LAMA4: variants seen among roughly 807,000 people sequenced by gnomAD.
LAMA4 encodes laminin subunit alpha 4, also known as laminin subunit alpha-4.
A neutral mutation model predicts 207.1 loss-of-function variants in LAMA4; 127 were observed. The ratio of observed to expected loss-of-function variants is 0.61; its 90% CI spans 0.53 to 0.71. The LOEUF is 0.71. Ranked by LOEUF, LAMA4 falls within the 30% of genes least tolerant of loss-of-function variation. The probability of loss-of-function intolerance (pLI) is 0.00; values close to 1 mark genes in which losing one functional copy is unlikely to be tolerated. For synonymous variants in LAMA4, 761 were observed against 816.0 expected (o/e 0.93, Z 1.15); for missense variants, 2,093 against 2,246.5 (o/e 0.93, Z 1.38).
At chr6:112,168,243 A>G (rs988721130) in intron 12 of LAMA4, among the ~76,000 whole-genome samples, 10 of 151,336 alleles carry the variant, frequency 6.6e-5, no homozygotes, top group African/African-American at 2.2e-4. Flanking sequence ...AACATAGAAG[A>G]ATATATGCTT....
rs782568532 is a variant in LAMA4 at position 112,136,229 on chromosome 6, C to T, written c.3308G>A (p.Arg1103His). The change falls in exon 25 of 39, where the codon CGC becomes CAC. Residue 1103 changes from arginine (R) to histidine (H), a missense_variant. This residue lies in a region of LAMA4 where 1,704 missense variants were observed against 1,788.4 expected (regional missense o/e 0.95). Coordinates refer to ENST00000230538, the MANE Select transcript of LAMA4 (RefSeq NM_001105206.3). ...NGSMFFRLEM[R>H]NGYLHVFYDF... ...ATAGAACACATGTAGGTAACCATTGCGCATTTCCAGTCTGAAAAACATACT... is the reference window on the plus strand; with the variant it reads ...ATAGAACACATGTAGGTAACCATTGTGCATTTCCAGTCTGAAAAACATACT... The T allele has an allele frequency of 2.0e-5, 33 of 1,611,240 alleles. No individual in the cohort carries two copies. In the Admixed American group the frequency reaches 3.3e-4, roughly 16 times the overall value.
rs1208645573 is a variant in LAMA4 at position 112,231,985 on chromosome 6, G to A, written c.196-15516C>T. On this transcript the variant is annotated intron_variant, in intron 2 of 38. Transcript: ENST00000230538. ...AAATGATAATGAAATTCGACTCCAAGTGCTCTTATTTGTAAAATGTGAGCA... is the reference window on the plus strand; with the variant it reads ...AAATGATAATGAAATTCGACTCCAAATGCTCTTATTTGTAAAATGTGAGCA... 5.3e-5 allele frequency among the ~76,000 whole-genome samples: 8 copies of A among 152,254 alleles called. No individual in the cohort carries two copies. In the East Asian group the frequency reaches 1.3e-3, roughly 26 times the overall value.
chr6:112,216,534 G>T, intron 2 of LAMA4, 65 bp from the exon 3 acceptor site: 1 of 1,046,816 alleles, frequency 9.6e-7, no homozygotes, highest in Non-Finnish European at 1.5e-6. Context: ...TATTTTCTGA[G>T]AAGAAATCAG....
Position 112,141,656 on chromosome 6 carries a change from T to G in LAMA4, c.2668-153A>C, listed in dbSNP as rs73766942. Among the ~76,000 whole-genome samples, 2,294 of 152,274 alleles carry G rather than the reference T, an allele frequency of 0.015. 51 individuals are homozygous for G. Among genetic ancestry groups the G allele is most frequent in the East Asian group, 0.076 (392 of 5,182 alleles). The stretch of plus-strand genomic sequence containing the variant: ...CCGAAGCTCCTGTGAGCAGGCAGTG[T>G]CTCTTCCTTTCCAGCCTCCCTGTGG... On this transcript the variant is annotated intron_variant, in intron 20 of 38. Transcript: ENST00000230538.
At chr6:112,142,622 C>T (rs956606615) in intron 19 of LAMA4, among the ~76,000 whole-genome samples, 2 of 152,190 alleles carry the variant, frequency 1.3e-5, no homozygotes, top group African/African-American at 2.4e-5. Context: ...ATTCACAAGG[C>T]TCATACAATT....
chr6:112,194,322 C>G (rs782522744), intron 5 of LAMA4, among the ~76,000 whole-genome samples: 25 of 152,198 alleles, frequency 1.6e-4, no homozygotes, highest in Non-Finnish European at 1.3e-4. Flanking sequence ...ATGCCAGTAA[C>G]TTTTTCATTT....
At position 112,189,189 on chromosome 6, in the gene LAMA4, T is replaced by A; in HGVS notation, c.735A>T (p.Gly245=). ...CTCCGGTTACACTGTCACATGGGCC[T>A]CCCCCGCAGTTGCACACTGTGGGAA... is the stretch of plus-strand genomic sequence containing the variant. The part of the protein sequence containing the change: ...AKNCAVCNCG[G]GPCDSVTGEC... Residue 245 remains glycine (G), a synonymous_variant, in exon 7 of 39, where the codon GGA becomes GGT. Coordinates refer to ENST00000230538, the MANE Select transcript of LAMA4 (RefSeq NM_001105206.3). 1 of 1,613,516 alleles carries A rather than the reference T, an allele frequency of 6.2e-7. No individual in the cohort carries two copies. Among genetic ancestry groups the A allele is most frequent in the East Asian group, 2.2e-5 (1 of 44,854 alleles).
At chr6:112,221,137 C>T (rs782422625) in intron 2 of LAMA4, among the ~76,000 whole-genome samples, 35 of 152,094 alleles carry the variant, frequency 2.3e-4, no homozygotes, top group Non-Finnish European at 4.7e-4. Context: ...AAGTTGTCAT[C>T]GGAGAGTATG....
chr6:112,166,718 A>G (rs1294613321), intron 12 of LAMA4, among the ~76,000 whole-genome samples: 6 of 152,268 alleles, frequency 3.9e-5, no homozygotes, highest in Admixed American at 1.3e-4. Flanking sequence ...TTAGACAGAA[A>G]TGAATAAAAT....
In LAMA4 at chr6:112,118,085, T is replaced by G. The variant is rs994337720; in HGVS notation, c.4822-187A>C. 1.3e-5 allele frequency among the ~76,000 whole-genome samples: 2 copies of G among 152,246 alleles called. No individual in the cohort carries two copies. The highest frequency in any genetic ancestry group is 2.9e-5 in the Non-Finnish European group (2 of 68,046). The stretch of plus-strand genomic sequence containing the variant: ...AACTGGTTGTTTGAAGCTGGAATTT[T>G]GTATTTGATAATGTCAACCTGTAGT... On this transcript the variant is annotated intron_variant, in intron 34 of 38. Coordinates refer to ENST00000230538, the MANE Select transcript of LAMA4 (RefSeq NM_001105206.3). The surrounding 1 kb of genome is among the most constrained non-coding windows in gnomAD (Gnocchi z 4.6).
At chr6:112,131,961 G>T (rs536231338) in intron 28 of LAMA4, among the ~76,000 whole-genome samples, 2 of 152,062 alleles carry the variant, frequency 1.3e-5, no homozygotes, top group Admixed American at 6.6e-5. Context: ...TTGAAATAAC[G>T]TATCTTTATA....
chr6:112,204,667 G>A (rs1554353630), intron 4 of LAMA4, among the ~76,000 whole-genome samples: 1 of 152,178 alleles, frequency 6.6e-6, no homozygotes, highest in African/African-American at 2.4e-5. Flanking sequence ...ACGAATGCTT[G>A]AGAGCAGAAT....
At chr6:112,205,466 G>C (rs1784006133) in intron 4 of LAMA4, among the ~76,000 whole-genome samples, 1 of 152,136 alleles carries the variant, frequency 6.6e-6, no homozygotes. Flanking sequence ...TGGAAAGTGA[G>C]ATCTAGGGAG....
intron 33 of LAMA4, 42 bp downstream of exon 33, chr6:112,120,241 G>A (rs993498121): frequency 6.6e-7 from 1 of 1,517,988 alleles, no homozygotes; most frequent in South Asian, 1.1e-5. Flanking sequence ...TTTGACAATG[G>A]TAGCTATTTG....
chr6:112,213,657 T>C, intron 3 of LAMA4: 1 of 185,502 alleles, frequency 5.4e-6, no homozygotes, highest in Non-Finnish European at 1.1e-5. Context: ...AATGGTAGCA[T>C]AATTTTGTAT....
intron 2 of LAMA4, among the ~76,000 whole-genome samples, chr6:112,222,364 A>C (rs1456868098): frequency 6.6e-6 from 1 of 152,222 alleles, no homozygotes; most frequent in Non-Finnish European, 1.5e-5. Context: ...TAATAAAGCT[A>C]GGCCAAAAAC....
At chr6:112,116,619 T>C (rs1157882913) in intron 35 of LAMA4, among the ~76,000 whole-genome samples, 1 of 152,212 alleles carries the variant, frequency 6.6e-6, no homozygotes, top group Non-Finnish European at 1.5e-5. Flanking sequence ...ATTTAGGAGC[T>C]GTTACTGAGG....
chr6:112,190,648 A>T (rs902751600), intron 6 of LAMA4, among the ~76,000 whole-genome samples: 2 of 152,172 alleles, frequency 1.3e-5, no homozygotes, highest in Non-Finnish European at 2.9e-5. Flanking sequence ...GATGAATAAG[A>T]TCTGTGCGTT....
intron 31 of LAMA4, among the ~76,000 whole-genome samples, chr6:112,126,488 C>G: frequency 6.6e-6 from 1 of 152,064 alleles, no homozygotes; most frequent in Non-Finnish European, 1.5e-5. Context: ...GGAAGAGATC[C>G]TAAGAAACTA....
Sources: allele counts gnomAD v4.1 joint callset (sites outside exome capture counted in the v4.1 genomes callset), GRCh38; gene constraint gnomAD v4.1.1; regional missense constraint gnomAD v4.1.1; non-coding constraint Gnocchi (gnomAD v3.1); transcripts MANE v1.5; gene names NCBI Gene and HGNC (gene_info 2026-07-23, HGNC 2026-07-21).